Variants in ZBTB7C observed in about 807,000 individuals in gnomAD.
ZBTB7C encodes zinc finger and BTB domain containing 7C.
A neutral mutation model predicts 25.7 loss-of-function variants in ZBTB7C; 8 were observed. The observed-to-expected ratio is 0.31, with a 90% confidence interval of 0.18 to 0.56. The LOEUF (loss-of-function observed/expected upper bound fraction) is 0.56, where lower values mean the gene tolerates loss of function less well. Ranked by LOEUF, ZBTB7C falls within the 20% of genes least tolerant of loss-of-function variation. ZBTB7C has a pLI of 0.91. For synonymous variants in ZBTB7C, 394 were observed against 369.0 expected (o/e 1.07, Z -0.78); for missense variants, 824 against 855.2 (o/e 0.96, Z 0.46).
intron 3 of ZBTB7C, among the ~76,000 whole-genome samples, chr18:48,129,646 A>C (rs776002700): frequency 1.3e-5 from 2 of 152,172 alleles, no homozygotes; most frequent in African/African-American, 2.4e-5. Context: ...TGGTGTGTGC[A>C]TTTGCCCGGA....
At chr18:48,380,354 G>A (rs946496570) in intron 1 of ZBTB7C, among the ~76,000 whole-genome samples, 1 of 152,152 alleles carries the variant, frequency 6.6e-6, no homozygotes, top group Admixed American at 6.5e-5. Context: ...GATGGCAGAT[G>A]GTGGGAGCCA....
chr18:48,242,034 G>A (rs2043544996), intron 2 of ZBTB7C, among the ~76,000 whole-genome samples: 1 of 152,102 alleles, frequency 6.6e-6, no homozygotes, highest in African/African-American at 2.4e-5. Context: ...CGATACCACA[G>A]AAATGCAAAA....
intron 2 of ZBTB7C, among the ~76,000 whole-genome samples, chr18:48,279,233 C>T (rs2144623264): frequency 6.6e-6 from 1 of 152,224 alleles, no homozygotes; most frequent in Non-Finnish European, 1.5e-5. Flanking sequence ...AAACGGAATG[C>T]CCTGACATCC....
chr18:48,411,240 G>T (rs2048382158), upstream of ZBTB7C, among the ~76,000 whole-genome samples: 1 of 148,138 alleles, frequency 6.8e-6, no homozygotes, highest in Admixed American at 6.9e-5. Flanking sequence ...AAGAGATCTG[G>T]TTTTTCCTAC....
intron 1 of ZBTB7C, among the ~76,000 whole-genome samples, chr18:48,338,916 G>T (rs538455493): frequency 5.3e-5 from 8 of 151,914 alleles, no homozygotes; most frequent in South Asian, 2.1e-4. Context: ...TTTGTTGGGG[G>T]GGGGGGGTCC....
chr18:48,346,974 G>A (rs61055567), intron 1 of ZBTB7C, among the ~76,000 whole-genome samples: 9,511 of 151,138 alleles, frequency 0.063, 340 homozygotes, highest in Non-Finnish European at 0.074. Flanking sequence ...TAGTAGAGAT[G>A]GGTTTTCACC....
chr18:48,253,373 A>G (rs1276256877), intron 2 of ZBTB7C, among the ~76,000 whole-genome samples: 2 of 152,222 alleles, frequency 1.3e-5, no homozygotes, highest in Non-Finnish European at 2.9e-5. Flanking sequence ...CCCACCTGGA[A>G]AAATTAAAAT....
intron 2 of ZBTB7C, among the ~76,000 whole-genome samples, chr18:48,219,179 G>T (rs2042893989): frequency 6.6e-6 from 1 of 152,118 alleles, no homozygotes; most frequent in Non-Finnish European, 1.5e-5. Flanking sequence ...GCATGAGGGG[G>T]AGCCACCTGC....
At chr18:48,221,597 T>TC (rs2042959747) in intron 2 of ZBTB7C, among the ~76,000 whole-genome samples, 1 of 146,326 alleles carries the variant, frequency 6.8e-6, no homozygotes, top group African/African-American at 2.6e-5. Flanking sequence ...TGTCTCAGTC[T>TC]CCTCTATACT....
At chr18:48,052,144 A>G (rs548674281) in intron 3 of ZBTB7C, among the ~76,000 whole-genome samples, 3 of 152,254 alleles carry the variant, frequency 2.0e-5, no homozygotes, top group Admixed American at 6.5e-5. Context: ...ACTGAGTTTC[A>G]TACTCCCAAT....
chr18:48,214,372 T>C (rs1164172837), intron 2 of ZBTB7C, among the ~76,000 whole-genome samples: 1 of 152,226 alleles, frequency 6.6e-6, no homozygotes, highest in Non-Finnish European at 1.5e-5. Flanking sequence ...AGGTCCCTCA[T>C]ATGATGGAAT....
chr18:48,084,347 C>T (rs994208117), intron 3 of ZBTB7C, among the ~76,000 whole-genome samples: 1 of 152,154 alleles, frequency 6.6e-6, no homozygotes, highest in African/African-American at 2.4e-5. Context: ...GGTCTCTTCG[C>T]CCTGTTGTTT....
chr18:48,164,274 T>A (rs2041166937), intron 3 of ZBTB7C, among the ~76,000 whole-genome samples: 1 of 152,126 alleles, frequency 6.6e-6, no homozygotes, highest in South Asian at 2.1e-4. Flanking sequence ...ATGTTCCCGG[T>A]CCCAGCAACA....
intron 3 of ZBTB7C, among the ~76,000 whole-genome samples, chr18:48,061,566 A>C (rs960383350): frequency 2.0e-5 from 3 of 152,172 alleles, no homozygotes. Context: ...TCACGCACAT[A>C]TATGTATGGC....
chr18:48,186,992 A>C (rs1262940518), intron 2 of ZBTB7C, among the ~76,000 whole-genome samples: 1 of 152,214 alleles, frequency 6.6e-6, no homozygotes, highest in Non-Finnish European at 1.5e-5. Context: ...GCTGAAGCGC[A>C]GACTGAGCAG....
chr18:48,202,392 G>T (rs780431543), intron 2 of ZBTB7C, among the ~76,000 whole-genome samples: 5 of 148,220 alleles, frequency 3.4e-5, no homozygotes, highest in Admixed American at 6.9e-5. Context: ...GGGAGGGAGG[G>T]ACATGCTGGA....
chr18:48,202,087 G>A (rs956930509), intron 2 of ZBTB7C, among the ~76,000 whole-genome samples: 3 of 152,232 alleles, frequency 2.0e-5, no homozygotes, highest in African/African-American at 7.2e-5. Context: ...TTGGAGCAGG[G>A]ACTTTGCCTG....
chr18:48,031,663 G>A (rs1042875289), intron 4 of ZBTB7C, among the ~76,000 whole-genome samples: 1 of 152,240 alleles, frequency 6.6e-6, no homozygotes, highest in Non-Finnish European at 1.5e-5. Context: ...TGGGATAGGG[G>A]AGAGGGACAA....
intron 2 of ZBTB7C, among the ~76,000 whole-genome samples, chr18:48,292,052 G>T (rs1287919766): frequency 6.6e-6 from 1 of 152,088 alleles, no homozygotes; most frequent in Non-Finnish European, 1.5e-5. Context: ...ACAAATATTA[G>T]CTGGGCGTGG....
Sources: gnomAD v4.1 joint callset for allele counts (sites outside exome capture counted in the v4.1 genomes callset) on GRCh38, gnomAD v4.1.1 for gene constraint, MANE v1.5 for transcripts, NCBI Gene and HGNC (gene_info 2026-07-23, HGNC 2026-07-21) for gene names.